The following CRACR2A variants were observed in gnomAD, a reference collection of about 807,000 sequenced individuals.
CRACR2A encodes the protein EF-hand calcium-binding domain-containing protein 4B.
Under a neutral mutation model 90.5 loss-of-function variants are expected in CRACR2A, and 79 were observed. That is an observed-to-expected ratio of 0.87 (90% CI 0.73 to 1.05). CRACR2A has a LOEUF of 1.05. Ranked by LOEUF, CRACR2A falls within the 50% of genes least tolerant of loss-of-function variation. The pLI, the probability that CRACR2A is intolerant of heterozygous loss-of-function variation, is 0.00. For missense variants in CRACR2A, 823 were observed against 897.2 expected, an observed-to-expected ratio of 0.92 and a Z score of 1.06; for synonymous variants, 338 against 356.7, an observed-to-expected ratio of 0.95 and a Z score of 0.59.
At chr12:3,643,348 G>A (rs1284147586) in intron 12 of CRACR2A, among the ~76,000 whole-genome samples, 4 of 152,086 alleles carry the variant, frequency 2.6e-5, no homozygotes, top group African/African-American at 9.7e-5. Context: ...TTCAGCTAAG[G>A]GTGCAATCCA....
At chr12:3,721,749 C>G (rs1946181113) in intron 2 of CRACR2A, among the ~76,000 whole-genome samples, 1 of 152,140 alleles carries the variant, frequency 6.6e-6, no homozygotes, top group Non-Finnish European at 1.5e-5. Context: ...AAATGTACCA[C>G]AATATCAATG....
At position 3,619,262 on chromosome 12, in the gene CRACR2A, G is replaced by C. The variant is rs1292960717; in HGVS notation, c.2034+9C>G. 3 of 1,549,470 alleles carry C rather than the reference G, an allele frequency of 1.9e-6. No homozygotes were observed. In the Admixed American group the frequency reaches 5.9e-5, roughly 30 times the overall value. On this transcript the variant is annotated intron_variant, in intron 18 of 19. Coordinates refer to ENST00000440314, the MANE Select transcript of CRACR2A (RefSeq NM_001144958.2). ...TCTGTCCAGAGAGATGGAAATGCTT[G>C]CTCTTTACCGTGGCAAGCTGCTCTC...
At chr12:3,682,794 CT>C (rs58520135) in intron 4 of CRACR2A, among the ~76,000 whole-genome samples, 29,066 of 145,706 alleles carry the variant, frequency 0.2, 2,746 homozygotes, top group East Asian at 0.32. Context: ...TTTATTATTA[CT>C]TTTTTTTTTT....
intron 7 of CRACR2A, among the ~76,000 whole-genome samples, chr12:3,662,496 C>T (rs17697855): frequency 0.15 from 22,311 of 152,170 alleles, 1,829 homozygotes; most frequent in South Asian, 0.26. Flanking sequence ...ATGTGAAAAG[C>T]GTCAGAACCA....
intron 11 of CRACR2A, among the ~76,000 whole-genome samples, chr12:3,646,337 C>A (rs1020271370): frequency 3.2e-4 from 48 of 152,212 alleles, no homozygotes; most frequent in African/African-American, 1.1e-3. Flanking sequence ...TCTGAACAAA[C>A]CCACACTTTT....
intron 4 of CRACR2A, among the ~76,000 whole-genome samples, chr12:3,684,896 C>T (rs1432582910): frequency 6.6e-6 from 1 of 152,228 alleles, no homozygotes; most frequent in Non-Finnish European, 1.5e-5. Flanking sequence ...ACCCTGAAGG[C>T]AAGGGAGAGC....
At chr12:3,741,035 A>C (rs757450718) in intron 1 of CRACR2A, among the ~76,000 whole-genome samples, 12 of 152,076 alleles carry the variant, frequency 7.9e-5, no homozygotes, top group African/African-American at 2.4e-4. Flanking sequence ...TCCACCCTCT[A>C]CATCCCTAGG....
chr12:3,740,972 A>G (rs1946515862), intron 1 of CRACR2A, among the ~76,000 whole-genome samples: 1 of 152,176 alleles, frequency 6.6e-6, no homozygotes, highest in Admixed American at 6.5e-5. Context: ...CTGACCACAC[A>G]TATGTCCTCA....
intron 10 of CRACR2A, among the ~76,000 whole-genome samples, chr12:3,649,690 T>C (rs890067426): frequency 6.6e-6 from 1 of 152,064 alleles, no homozygotes; most frequent in Non-Finnish European, 1.5e-5. Context: ...AAGGGCTGTG[T>C]CTGGTTTGTT....
intron 7 of CRACR2A, among the ~76,000 whole-genome samples, chr12:3,672,056 C>T (rs189501725): frequency 6.6e-6 from 1 of 152,182 alleles, no homozygotes; most frequent in African/African-American, 2.4e-5. Context: ...AGCCTCTCCC[C>T]AGAATGTTCT....
intron 2 of CRACR2A, 79 bp from the exon 3 acceptor site, chr12:3,713,396 GA>G: frequency 1.4e-6 from 1 of 738,754 alleles, no homozygotes; most frequent in Non-Finnish European, 1.7e-6. Flanking sequence ...AGCAATTTTG[GA>G]AAAACTTGGG....
chr12:3,653,073 CCCA>C (rs386759695), intron 10 of CRACR2A, among the ~76,000 whole-genome samples: 11,521 of 152,140 alleles, frequency 0.076, 462 homozygotes, highest in Non-Finnish European at 0.085. Flanking sequence ...ACCTCTGCCT[CCCA>C]GGTTCAAGCC....
rs148262621 is a variant in CRACR2A at position 3,693,543 on chromosome 12, A to G, written c.228+3229T>C. 5.3e-5 allele frequency among the ~76,000 whole-genome samples: 8 copies of G among 152,292 alleles called. No individual in the cohort carries two copies. The East Asian group carries it at 1.5e-3, about 29-fold the overall frequency. ...TCCCTCAGCATTTGCTTGCCTAAAAAGGATCTTATTTCTCCGCTTATGAAG... is the reference window on the plus strand; with the variant it reads ...TCCCTCAGCATTTGCTTGCCTAAAAGGGATCTTATTTCTCCGCTTATGAAG... On this transcript the variant is annotated intron_variant, in intron 4 of 19. Transcript: ENST00000440314.
intron 6 of CRACR2A, among the ~76,000 whole-genome samples, chr12:3,677,133 G>A (rs1473810764): frequency 1.3e-5 from 2 of 151,956 alleles, no homozygotes; most frequent in African/African-American, 2.4e-5. Flanking sequence ...GGGAGGATAT[G>A]GGAGTATAGG....
intron 17 of CRACR2A, among the ~76,000 whole-genome samples, chr12:3,626,145 A>G (rs1405430799): frequency 6.6e-6 from 1 of 152,182 alleles, no homozygotes; most frequent in Non-Finnish European, 1.5e-5. Context: ...TCTGGCTTCC[A>G]TTTTGTTCCT....
intron 7 of CRACR2A, chr12:3,672,858 C>T (rs529476919): frequency 1.6e-5 from 15 of 956,812 alleles, no homozygotes; most frequent in African/African-American, 1.4e-4. Context: ...ATAGGGTAGA[C>T]GAAGAGACAT....
At chr12:3,717,191 G>A (rs2137793250) in intron 2 of CRACR2A, among the ~76,000 whole-genome samples, 1 of 152,260 alleles carries the variant, frequency 6.6e-6, no homozygotes, top group Non-Finnish European at 1.5e-5. Flanking sequence ...CGCAGCAGTC[G>A]ATGGGCCTTC....
intron 7 of CRACR2A, among the ~76,000 whole-genome samples, chr12:3,661,028 A>G (rs1007640811): frequency 6.6e-6 from 1 of 152,168 alleles, no homozygotes; most frequent in Admixed American, 6.5e-5. Flanking sequence ...AACATAAAGG[A>G]TGGGAATATA....
At chr12:3,644,724 G>A in intron 11 of CRACR2A, 84 bp from the exon 12 acceptor site, 3 of 1,252,214 alleles carry the variant, frequency 2.4e-6, no homozygotes, top group Non-Finnish European at 3.4e-6. Flanking sequence ...ATTCAGATGG[G>A]TGCAGGGGAA....
Sources: allele counts gnomAD v4.1 joint callset (sites outside exome capture counted in the v4.1 genomes callset), GRCh38; gene constraint gnomAD v4.1.1; transcripts MANE v1.5; gene names NCBI Gene and HGNC (gene_info 2026-07-23, HGNC 2026-07-21).